The following CA10 variants were observed in gnomAD, a reference collection of about 807,000 sequenced individuals.
The protein encoded by CA10 is carbonic anhydrase 10 (inactive), also known as carbonic anhydrase-related protein 10.
A neutral mutation model predicts 44.2 loss-of-function variants in CA10; 14 were observed. The ratio of observed to expected loss-of-function variants is 0.32; its 90% CI spans 0.21 to 0.50. The LOEUF (loss-of-function observed/expected upper bound fraction) is 0.50. Among genes scored for constraint, CA10 ranks in the 20% least tolerant of loss-of-function variants. The pLI is 0.99. For missense variants in CA10, 350 were observed against 409.7 expected (o/e 0.85, Z 1.26); for synonymous variants, 159 against 141.6 (o/e 1.12, Z -0.87).
intron 2 of CA10, among the ~76,000 whole-genome samples, chr17:52,010,450 G>C (rs1284545702): frequency 1.3e-5 from 2 of 151,824 alleles, no homozygotes; most frequent in East Asian, 3.9e-4. Flanking sequence ...GCCATAAAAA[G>C]GAATTAAATA....
intron 4 of CA10, among the ~76,000 whole-genome samples, chr17:51,709,146 T>A (rs567315723): frequency 6.6e-6 from 1 of 152,380 alleles, no homozygotes; most frequent in African/African-American, 2.4e-5. Context: ...CATATATCCA[T>A]CTATTCATTT....
rs187050968 is a variant in CA10, at chr17:52,059,480, T to C, written c.136+12839A>G. Among the ~76,000 whole-genome samples the C allele has an allele frequency of 1.0e-3, 155 of 152,036 alleles. 2 individuals carry two copies. The highest frequency in any genetic ancestry group is 7.2e-4 in the Non-Finnish European group (49 of 67,950). On this transcript the variant is annotated intron_variant, in intron 2 of 8. Transcript: ENST00000451037. ...GAGGAAGACAATTGATAACAAAAAG[T>C]CCGGGGGCACAAAATACTGGTGTGC...
At chr17:51,720,350 C>A (rs935551446) in intron 4 of CA10, among the ~76,000 whole-genome samples, 1 of 152,066 alleles carries the variant, frequency 6.6e-6, no homozygotes, top group African/African-American at 2.4e-5. Context: ...TCATAATGAA[C>A]ACTTTTAATC....
At chr17:51,647,743 A>G (rs1242805192) in intron 6 of CA10, among the ~76,000 whole-genome samples, 6 of 152,260 alleles carry the variant, frequency 3.9e-5, no homozygotes, top group African/African-American at 1.2e-4. Flanking sequence ...AGTTAAAAGA[A>G]TAATAATCTT....
chr17:51,996,219 C>T (rs1212865477), intron 2 of CA10, among the ~76,000 whole-genome samples: 1 of 151,978 alleles, frequency 6.6e-6, no homozygotes, highest in Non-Finnish European at 1.5e-5. Context: ...TGGTGACCCT[C>T]CCACATTCCC....
chr17:51,994,402 C>G (rs189368870), intron 2 of CA10, among the ~76,000 whole-genome samples: 1 of 152,022 alleles, frequency 6.6e-6, no homozygotes, highest in South Asian at 2.1e-4. Flanking sequence ...AGTCAAGTCA[C>G]GTTTCTTTTC....
chr17:52,137,824 A>G (rs1436122397), intron 1 of CA10, among the ~76,000 whole-genome samples: 1 of 152,226 alleles, frequency 6.6e-6, no homozygotes, highest in African/African-American at 2.4e-5. Flanking sequence ...ATCTATTAGA[A>G]TGCTATCAAA....
intron 4 of CA10, among the ~76,000 whole-genome samples, chr17:51,687,279 C>A (rs751853106): frequency 3.9e-5 from 6 of 152,172 alleles, no homozygotes; most frequent in African/African-American, 9.7e-5. Flanking sequence ...TTAGATGACA[C>A]CATAAAAATG....
chr17:52,050,721 G>A (rs746731453), intron 2 of CA10, among the ~76,000 whole-genome samples: 12 of 151,930 alleles, frequency 7.9e-5, no homozygotes, highest in African/African-American at 2.7e-4. Context: ...AAACTTGCTG[G>A]TCCACTGAAC....
At chr17:52,051,449 GA>G (rs563024545) in intron 2 of CA10, among the ~76,000 whole-genome samples, 3,759 of 139,070 alleles carry the variant, frequency 0.027, 144 homozygotes, top group African/African-American at 0.086. Flanking sequence ...AAATTCACAA[GA>G]AAAAAAAAAA....
At chr17:51,849,661 G>C (rs1978701487) in intron 3 of CA10, among the ~76,000 whole-genome samples, 1 of 152,198 alleles carries the variant, frequency 6.6e-6, no homozygotes, top group Admixed American at 6.5e-5. Flanking sequence ...GCTTCATAAA[G>C]AGTCTGCCTC....
intron 1 of CA10, among the ~76,000 whole-genome samples, chr17:52,089,944 A>C (rs1396136052): frequency 6.6e-6 from 1 of 152,186 alleles, no homozygotes; most frequent in East Asian, 1.9e-4. Flanking sequence ...CAAATATGGC[A>C]AAATGTTAAT....
intron 4 of CA10, among the ~76,000 whole-genome samples, chr17:51,666,735 G>A (rs778369876): frequency 5.9e-5 from 9 of 151,938 alleles, no homozygotes; most frequent in Non-Finnish European, 1.3e-4. Context: ...AACTATACAA[G>A]GCACCACAAA....
intron 1 of CA10, among the ~76,000 whole-genome samples, chr17:52,108,558 G>C (rs967269386): frequency 1.3e-5 from 2 of 151,806 alleles, no homozygotes; most frequent in Non-Finnish European, 2.9e-5. Flanking sequence ...AAATTAGCTG[G>C]GCGTGGTGGT....
intron 1 of CA10, among the ~76,000 whole-genome samples, chr17:52,086,366 T>TCTG (rs1321039022): frequency 6.6e-6 from 1 of 152,262 alleles, no homozygotes; most frequent in Non-Finnish European, 1.5e-5. Flanking sequence ...GTCCTGTGGC[T>TCTG]CTGCTATCTG....
intron 2 of CA10, among the ~76,000 whole-genome samples, chr17:51,962,859 A>G (rs1159550993): frequency 6.6e-6 from 1 of 152,236 alleles, no homozygotes; most frequent in Non-Finnish European, 1.5e-5. Flanking sequence ...TTCTGGCACC[A>G]TGAAAAATCT....
At position 52,069,245 on chromosome 17, in the gene CA10, C is replaced by G. The variant is rs547580475; in HGVS notation, c.136+3074G>C. ...TACGTACCTAGCCAAATGGACACAT[C>G]AAATTAGCCATCACAATGTCTAAAC... On this transcript the variant is annotated intron_variant, in intron 2 of 8. Coordinates refer to ENST00000451037, the MANE Select transcript of CA10 (RefSeq NM_020178.5). Among the ~76,000 whole-genome samples, 5 of 152,312 alleles carry G rather than the reference C, an allele frequency of 3.3e-5. No individual in the cohort carries two copies. The East Asian group carries it at 9.6e-4, about 29-fold the overall frequency.
intron 4 of CA10, among the ~76,000 whole-genome samples, chr17:51,699,339 A>AG (rs1915510898): frequency 6.6e-6 from 1 of 151,276 alleles, no homozygotes; most frequent in Admixed American, 6.6e-5. Context: ...AAAAAAAAAA[A>AG]TTATTTCCTT....
At chr17:51,681,107 C>T (rs1176771139) in intron 4 of CA10, among the ~76,000 whole-genome samples, 2 of 152,202 alleles carry the variant, frequency 1.3e-5, no homozygotes, top group Non-Finnish European at 2.9e-5. Flanking sequence ...GCTAGCTTTG[C>T]AATCAGAAAG....
Sources: allele counts gnomAD v4.1 joint callset (sites outside exome capture counted in the v4.1 genomes callset), GRCh38; gene constraint gnomAD v4.1.1; transcripts MANE v1.5; gene names NCBI Gene and HGNC (gene_info 2026-07-23, HGNC 2026-07-21).